Variants in SOS1 observed in about 807,000 individuals in gnomAD.
SOS1 encodes the protein SOS Ras/Rac guanine nucleotide exchange factor 1, also known as son of sevenless homolog 1.
SOS1 carries 25 observed loss-of-function variants against 157.6 expected under a neutral mutation model. The observed-to-expected ratio is 0.16, with a 90% CI of 0.12 to 0.22. The LOEUF is 0.22. Among genes scored for constraint, SOS1 ranks in the 10% least tolerant of loss-of-function variants. The pLI is 1.00. For missense variants in SOS1, 1,237 were observed against 1,599.1 expected, an observed-to-expected ratio of 0.77 and a Z score of 3.86; for synonymous variants, 528 against 534.0, an observed-to-expected ratio of 0.99 and a Z score of 0.16.
chr2:39,067,610 A>C lies in SOS1; in HGVS notation c.213+18T>G. 14 of 1,610,078 alleles carry C rather than the reference A, an allele frequency of 8.7e-6. No individual in the cohort carries two copies. Among genetic ancestry groups the C allele is most frequent in the Non-Finnish European group, 1.2e-5 (14 of 1,176,420 alleles). Reference sequence around the variant, plus strand: ...ACAAATTAGATATAAAGTAAATACAAGACAACATTTGTCATACCTCTACAT... The same window carrying C: ...ACAAATTAGATATAAAGTAAATACACGACAACATTTGTCATACCTCTACAT... On this transcript the variant is annotated intron_variant, in intron 2 of 22. Coordinates refer to ENST00000402219, the MANE Select transcript of SOS1 (RefSeq NM_005633.4).
intron 1 of SOS1, among the ~76,000 whole-genome samples, chr2:39,093,972 T>C (rs1290124379): frequency 4.6e-5 from 7 of 152,214 alleles, no homozygotes; most frequent in African/African-American, 1.7e-4. Flanking sequence ...TTACATACCT[T>C]AACTCTCTTC....
chr2:39,104,017 C>T (rs1181118117), intron 1 of SOS1, among the ~76,000 whole-genome samples: 6 of 152,148 alleles, frequency 3.9e-5, no homozygotes, highest in East Asian at 1.9e-4. Context: ...CAGTGGCTCA[C>T]GCCTGTAATC....
At chr2:39,107,424 G>A (rs1263760139) in intron 1 of SOS1, among the ~76,000 whole-genome samples, 1 of 152,040 alleles carries the variant, frequency 6.6e-6, no homozygotes, top group Non-Finnish European at 1.5e-5. Flanking sequence ...ACTTTCCTTA[G>A]TATTGCACTA....
chr2:39,059,187 G>A (rs972798037), intron 2 of SOS1, among the ~76,000 whole-genome samples: 1 of 152,046 alleles, frequency 6.6e-6, no homozygotes. Flanking sequence ...CTTACTTTCA[G>A]TGGTAATTAC....
At chr2:39,109,854 T>C (rs999859717) in intron 1 of SOS1, among the ~76,000 whole-genome samples, 1 of 152,148 alleles carries the variant, frequency 6.6e-6, no homozygotes, top group Non-Finnish European at 1.5e-5. Context: ...AACACAGCAA[T>C]GAAAGATTAA....
At chr2:39,064,578 C>T (rs1185304030) in intron 2 of SOS1, among the ~76,000 whole-genome samples, 2 of 151,956 alleles carry the variant, frequency 1.3e-5, no homozygotes, top group Non-Finnish European at 2.9e-5. Flanking sequence ...GTCTCTTGAC[C>T]TTATTCCTCC....
At chr2:39,061,898 C>T (rs1222781236) in intron 2 of SOS1, among the ~76,000 whole-genome samples, 1 of 151,994 alleles carries the variant, frequency 6.6e-6, no homozygotes, top group Non-Finnish European at 1.5e-5. Context: ...AGAACCCTGT[C>T]TTCTCCTTTA....
chr2:39,090,398 G>T (rs1052032903), intron 1 of SOS1, among the ~76,000 whole-genome samples: 1 of 151,950 alleles, frequency 6.6e-6, no homozygotes, highest in East Asian at 1.9e-4. Flanking sequence ...TTTTTTGTTT[G>T]TAAGAATCTT....
At chr2:39,060,250 G>A (rs1410412758) in intron 2 of SOS1, among the ~76,000 whole-genome samples, 1 of 152,120 alleles carries the variant, frequency 6.6e-6, no homozygotes, top group East Asian at 1.9e-4. Context: ...ATCATGTTAT[G>A]ACCCTGTGGC....
At chr2:39,062,383 A>T (rs1671435336) in intron 2 of SOS1, among the ~76,000 whole-genome samples, 1 of 149,184 alleles carries the variant, frequency 6.7e-6, no homozygotes, top group Non-Finnish European at 1.5e-5. Context: ...ACACCACTGC[A>T]CTCCAGCCTG....
intron 1 of SOS1, among the ~76,000 whole-genome samples, chr2:39,106,867 G>A (rs1187164889): frequency 6.6e-6 from 1 of 152,120 alleles, no homozygotes; most frequent in Non-Finnish European, 1.5e-5. Context: ...AGTACTCCTG[G>A]TTCACCAGTT....
At position 38,984,680 on chromosome 2, in the gene SOS1, A is replaced by G. The variant is rs1668501789; in HGVS notation, c.*1144T>C. 6.6e-6 allele frequency: 1 copy of G among 152,232 alleles called. No homozygotes were observed. The highest frequency in any genetic ancestry group is 1.5e-5 in the Non-Finnish European group (1 of 68,030). 9.4% of individuals were successfully genotyped at this position (152,232 alleles called of 1,614,324 possible). ...TTTGTGTGTTTTTCAACTAAAAGAAATAAGAATCAACCATTTTCTTCATAT... is the reference window on the plus strand; with the variant it reads ...TTTGTGTGTTTTTCAACTAAAAGAAGTAAGAATCAACCATTTTCTTCATAT... On this transcript the variant is annotated 3_prime_UTR_variant, in exon 23 of 23. Coordinates refer to ENST00000402219, the MANE Select transcript of SOS1 (RefSeq NM_005633.4).
At position 38,995,355 on chromosome 2, in the gene SOS1, A is replaced by C. The variant is rs777755307; in HGVS notation, c.3114T>G (p.Pro1038=). The part of the protein sequence containing the change: ...PKKYSYPLKS[P]GVRPSNPRPG... The stretch of plus-strand genomic sequence containing the variant: ...GTCTTGGGTTTGATGGACGAACACC[A>C]GGAGATTTTAGGGGATAGCTATATT... The change falls in exon 20 of 23, where the codon CCT becomes CCG. Residue 1038 remains proline, a synonymous_variant. Transcript: ENST00000402219. 1.9e-5 allele frequency: 30 copies of C among 1,613,540 alleles called. No homozygotes were observed. Among genetic ancestry groups the C allele is most frequent in the South Asian group, 5.5e-5 (5 of 91,054 alleles).
chr2:39,119,510 A>G (rs1673783453), intron 1 of SOS1, among the ~76,000 whole-genome samples: 1 of 152,266 alleles, frequency 6.6e-6, no homozygotes, highest in African/African-American at 2.4e-5. Context: ...AAACACTATT[A>G]GAAGAGTAAA....
chr2:39,100,642 G>T (rs866222939), intron 1 of SOS1, among the ~76,000 whole-genome samples: 6 of 152,172 alleles, frequency 3.9e-5, no homozygotes, highest in African/African-American at 1.4e-4. Flanking sequence ...CAGGCCAGGC[G>T]TGGTGACTCA....
rs546227270 is a variant in SOS1, at chr2:39,023,926, T to C, written c.1202+84A>G. The C allele has an allele frequency of 4.4e-5, 41 of 926,434 alleles. No homozygotes were observed. The East Asian group carries it at 9.7e-4, about 22-fold the overall frequency. The allele number at this position is 926,434 out of a possible 1,614,324, so 57.4% of individuals were successfully genotyped here. ...CACTAAAACTATTTTCTTCATTGTT[T>C]ACTTGAGGAGGGAACTGGGATCCCT... On this transcript the variant is annotated intron_variant, in intron 9 of 22. Coordinates refer to ENST00000402219, the MANE Select transcript of SOS1 (RefSeq NM_005633.4).
chr2:39,054,479 G>T, intron 5 of SOS1, 135 bp downstream of exon 5: 1 of 627,766 alleles, frequency 1.6e-6, no homozygotes. Flanking sequence ...GTAAAACTTT[G>T]TGATCATGAA....
intron 1 of SOS1, among the ~76,000 whole-genome samples, chr2:39,068,233 A>T (rs1396515815): frequency 1.3e-5 from 2 of 152,226 alleles, no homozygotes; most frequent in Non-Finnish European, 2.9e-5. Flanking sequence ...CCACATGCTT[A>T]TATGTTCCTG....
intron 1 of SOS1, among the ~76,000 whole-genome samples, chr2:39,112,569 T>G (rs778431062): frequency 2.0e-5 from 3 of 152,130 alleles, no homozygotes; most frequent in Non-Finnish European, 4.4e-5. Flanking sequence ...TCCCAAGTGC[T>G]GGAATTGCAG....
Sources: allele counts gnomAD v4.1 joint callset (sites outside exome capture counted in the v4.1 genomes callset), GRCh38; gene constraint gnomAD v4.1.1; transcripts MANE v1.5; gene names NCBI Gene and HGNC (gene_info 2026-07-23, HGNC 2026-07-21).